LRRC3: variants seen among roughly 807,000 people sequenced by gnomAD.
LRRC3 encodes leucine rich repeat containing 3, also known as leucine-rich repeat-containing protein 3.
For missense variants in LRRC3, 351 were observed against 361.6 expected (o/e 0.97, Z 0.24); for synonymous variants, 172 against 164.1 (o/e 1.05, Z -0.37).
chr21:44,457,756 C>A lies in LRRC3; in HGVS notation c.*338C>A. ...CGGGGCCCTGCAGGCTGTGGATATG[C>A]ACTCAGAGGACTAAGGGGGTGCTCT... On this transcript the variant is annotated 3_prime_UTR_variant, in exon 2 of 2. Transcript: ENST00000291592. 1 of 353,032 alleles carries A rather than the reference C, an allele frequency of 2.8e-6. No individual in the cohort carries two copies. 21.9% of individuals were successfully genotyped at this position (353,032 alleles called of 1,614,324 possible).
rs1175165323 is a variant in LRRC3 at position 44,456,667 on chromosome 21, G to A, written c.23G>A (p.Arg8His). 5 of 1,600,772 alleles carry A rather than the reference G, an allele frequency of 3.1e-6. No homozygotes were observed. The highest frequency in any genetic ancestry group is 4.3e-6 in the Non-Finnish European group (5 of 1,174,586). Residue 8 changes from arginine (R) to histidine (H), a missense_variant, in exon 2 of 2, where the codon CGC becomes CAC. Coordinates refer to ENST00000291592, the MANE Select transcript of LRRC3 (RefSeq NM_030891.6). Reference sequence around the variant, plus strand: ...AGGATGGGCACCGTGCGCCCACCTCGCCCCTCGCTCCTGCTGGTCTCCACC... The same window carrying A: ...AGGATGGGCACCGTGCGCCCACCTCACCCCTCGCTCCTGCTGGTCTCCACC... MGTVRPP[R>H]PSLLLVSTRE... is the part of the protein sequence containing the mutation.
chr21:44,456,164 G>A (rs1181720454), intron 1 of LRRC3, among the ~76,000 whole-genome samples: 1 of 152,040 alleles, frequency 6.6e-6, no homozygotes, highest in South Asian at 2.1e-4. Flanking sequence ...GGGGCTGGGT[G>A]GTCCAAGCCG....
rs2051719466 is a variant in LRRC3, at chr21:44,457,947, C to A, written c.*529C>A. On this transcript the variant is annotated 3_prime_UTR_variant, in exon 2 of 2. Transcript: ENST00000291592. ...TTCGAAGTACATTGGAACGTAAGCC[C>A]TGTTTCCAGAGCAAAGTAACAGAGA... 5.9e-6 allele frequency: 1 copy of A among 169,222 alleles called. No homozygotes were observed. The highest frequency in any genetic ancestry group is 1.4e-5 in the Non-Finnish European group (1 of 69,732). The allele number at this position is 169,222 out of a possible 1,614,324, so 10.5% of individuals were successfully genotyped here.
chr21:44,456,554 T>A lies in LRRC3; in HGVS notation c.-91T>A. ...AGCGGGGCAGGATGGCGGTTTCATG[T>A]CTGGTTGGATAAGGCCTTGCCTGCG... is the stretch of plus-strand genomic sequence containing the variant. On this transcript the variant is annotated 5_prime_UTR_variant, in exon 2 of 2. It introduces an in-frame stop codon into an upstream open reading frame of the 5' UTR. Coordinates refer to ENST00000291592, the MANE Select transcript of LRRC3 (RefSeq NM_030891.6). 5 of 1,378,942 alleles carry A rather than the reference T, an allele frequency of 3.6e-6. No homozygotes were observed. Among genetic ancestry groups the A allele is most frequent in the African/African-American group, 1.4e-5 (1 of 69,490 alleles). The allele number at this position is 1,378,942 out of a possible 1,614,324, so 85.4% of individuals were successfully genotyped here.
Position 44,459,832 on chromosome 21 carries a change from G to A in LRRC3, c.*2414G>A, listed in dbSNP as rs139141271. 4.0e-3 allele frequency: 604 copies of A among 152,174 alleles called. 3 individuals are homozygous for A. The highest frequency in any genetic ancestry group is 6.3e-3 in the Non-Finnish European group (427 of 68,040). The allele number at this position is 152,174 out of a possible 1,614,324, so 9.4% of individuals were successfully genotyped here. A position where few individuals can be genotyped will look rare whatever the true frequency, so the allele number is the denominator to read the frequency against. On this transcript the variant is annotated 3_prime_UTR_variant, in exon 2 of 2. Transcript: ENST00000291592. The stretch of plus-strand genomic sequence containing the variant: ...CCCAGGGTCTGGCCTTCTCCTTGGT[G>A]AAGGTCTGCTGGGCCCCTGTCCACC...
In LRRC3 at chr21:44,457,847, CCTGTG is replaced by C. The variant is rs1158509783; in HGVS notation, c.*433_*437del. 4.9e-6 allele frequency: 1 copy of C among 202,466 alleles called. No homozygotes were observed. Among genetic ancestry groups the C allele is most frequent in the Non-Finnish European group, 1.1e-5 (1 of 91,210 alleles). 12.5% of individuals were successfully genotyped at this position (202,466 alleles called of 1,614,324 possible). A position where few individuals can be genotyped will look rare whatever the true frequency, so the allele number is the denominator to read the frequency against. ...TCACCCGCTGAAGGCGCTGATAAGT[CCTGTG>C]CTGAGGAGCTGACTTGCCCTTGTTT... On this transcript the variant is annotated 3_prime_UTR_variant, in exon 2 of 2. Coordinates refer to ENST00000291592, the MANE Select transcript of LRRC3 (RefSeq NM_030891.6).
rs370394884 is a variant in LRRC3 at position 44,456,802 on chromosome 21, G to A, written c.158G>A (p.Arg53Gln). The stretch of plus-strand genomic sequence containing the variant: ...GCTGTGGCTGTCTTCTGCAGCTTGC[G>A]GGGCCTTCAGGAGGTCCCCGAGGAC... Reference protein sequence around the residue: ...AGAVAVFCSLRGLQEVPEDIP... With the variant: ...AGAVAVFCSLQGLQEVPEDIP... The change falls in exon 2 of 2, where the codon CGG becomes CAG. Residue 53 changes from arginine to glutamine, a missense_variant. By Grantham distance (43) the Arg-to-Gln change is conservative. Transcript: ENST00000291592. 71 of 1,611,492 alleles carry A rather than the reference G, an allele frequency of 4.4e-5. No individual in the cohort carries two copies. Among genetic ancestry groups the A allele is most frequent in the Non-Finnish European group, 5.1e-5 (60 of 1,179,760 alleles).
Position 44,455,557 on chromosome 21 carries a change from C to T in LRRC3, c.-246C>T. 6.6e-6 allele frequency: 1 copy of T among 151,636 alleles called. No individual in the cohort carries two copies. The highest frequency in any genetic ancestry group is 1.5e-5 in the Non-Finnish European group (1 of 67,850). The allele number at this position is 151,636 out of a possible 1,614,324, so 9.4% of individuals were successfully genotyped here. ...GTGGTCGCGGGCGCGGTCGCAGGGGCAGCGGGGTGGCCGCCGCGCCAGGCG... is the reference window on the plus strand; with the variant it reads ...GTGGTCGCGGGCGCGGTCGCAGGGGTAGCGGGGTGGCCGCCGCGCCAGGCG... On this transcript the variant is annotated 5_prime_UTR_variant, in exon 1 of 2. Coordinates refer to ENST00000291592, the MANE Select transcript of LRRC3 (RefSeq NM_030891.6).
chr21:44,461,749 G>A lies in LRRC3; in HGVS notation c.*4331G>A, dbSNP rs536967390. ...TGCCGTCTTGGGCAGCTCCTCCCGG[G>A]TGTCTGCAAAATGCAGAGGTCACCA... On this transcript the variant is annotated 3_prime_UTR_variant, in exon 2 of 2. Coordinates refer to ENST00000291592, the MANE Select transcript of LRRC3 (RefSeq NM_030891.6). 1 of 152,458 alleles carries A rather than the reference G, an allele frequency of 6.6e-6. No individual in the cohort carries two copies. The highest frequency in any genetic ancestry group is 2.1e-4 in the South Asian group (1 of 4,830). 9.4% of individuals were successfully genotyped at this position (152,458 alleles called of 1,614,324 possible). A position where few individuals can be genotyped will look rare whatever the true frequency, so the allele number is the denominator to read the frequency against.
Position 44,457,320 on chromosome 21 carries a change from G to C in LRRC3, c.676G>C (p.Val226Leu), listed in dbSNP as rs765997135. The change falls in exon 2 of 2, where the codon GTG (valine) becomes CTG (leucine). Residue 226 changes from valine to leucine, a missense_variant. Coordinates refer to ENST00000291592, the MANE Select transcript of LRRC3 (RefSeq NM_030891.6). Reference sequence around the variant, plus strand: ...GGTGATCGCCTACGTCGTGTACTATGTGCGCCACAACCAGGAGGATGCCCG... The same window carrying C: ...GGTGATCGCCTACGTCGTGTACTATCTGCGCCACAACCAGGAGGATGCCCG... Reference protein sequence around the residue: ...AMVIAYVVYYVRHNQEDARRH... With the variant: ...AMVIAYVVYYLRHNQEDARRH... The C allele has an allele frequency of 1.2e-6, 2 of 1,613,310 alleles. No homozygotes were observed. The highest frequency in any genetic ancestry group is 1.7e-6 in the Non-Finnish European group (2 of 1,179,722).
In LRRC3 at chr21:44,456,490, C is replaced by T. The variant is rs1044803501; in HGVS notation, c.-147-8C>T. The T allele has an allele frequency of 3.0e-5, 24 of 805,564 alleles. No individual in the cohort carries two copies. Among genetic ancestry groups the T allele is most frequent in the Middle Eastern group, 4.9e-4 (2 of 4,046 alleles). The allele number at this position is 805,564 out of a possible 1,614,324, so 49.9% of individuals were successfully genotyped here. A position where few individuals can be genotyped will look rare whatever the true frequency, so the allele number is the denominator to read the frequency against. On this transcript the variant is annotated splice_polypyrimidine_tract_variant and splice_region_variant and intron_variant, in intron 1 of 1. Transcript: ENST00000291592. ...CCTCTCCGCTCCCTCCTGCGTCTTC[C>T]CTTTCAGAGCTGCCAGAGTGGACTG...
chr21:44,457,012 A>G lies in LRRC3; in HGVS notation c.368A>G (p.Asn123Ser), dbSNP rs759520432. 9.5e-5 allele frequency: 152 copies of G among 1,606,044 alleles called. 2 individuals carry two copies. The highest frequency in any genetic ancestry group is 8.7e-4 in the East Asian group (39 of 44,856). The stretch of plus-strand genomic sequence containing the variant: ...CTGCGGCTGCTGGACCTGTCTTACA[A>G]CCGCATCCAGAGGATCCCCAAGGAC... ...GGLRLLDLSY[N>S]RIQRIPKDAL... The change falls in exon 2 of 2, where the codon AAC becomes AGC. Residue 123 changes from asparagine to serine, a missense_variant. By Grantham distance (46) the Asn-to-Ser change is conservative (BLOSUM62 1). Transcript: ENST00000291592.
intron 1 of LRRC3, among the ~76,000 whole-genome samples, chr21:44,455,866 G>A (rs1386540140): frequency 6.6e-6 from 1 of 152,060 alleles, no homozygotes; most frequent in African/African-American, 2.4e-5. Flanking sequence ...GCGCGCACAG[G>A]GCTTGGCTTC....
chr21:44,457,660 C>G lies in LRRC3; in HGVS notation c.*242C>G. On this transcript the variant is annotated 3_prime_UTR_variant, in exon 2 of 2. Coordinates refer to ENST00000291592, the MANE Select transcript of LRRC3 (RefSeq NM_030891.6). Reference sequence around the variant, plus strand: ...GTGACGATACCATCAGGAAATTATCCCAGTGGAACTTCAACCCGGGCTGTC... The same window carrying G: ...GTGACGATACCATCAGGAAATTATCGCAGTGGAACTTCAACCCGGGCTGTC... 1 of 550,066 alleles carries G rather than the reference C, an allele frequency of 1.8e-6. No homozygotes were observed. The highest frequency in any genetic ancestry group is 3.3e-6 in the Non-Finnish European group (1 of 304,234). The allele number at this position is 550,066 out of a possible 1,614,324, so 34.1% of individuals were successfully genotyped here.
Position 44,461,404 on chromosome 21 carries a change from G to C in LRRC3, c.*3986G>C, listed in dbSNP as rs2051745228. 6.6e-6 allele frequency: 1 copy of C among 152,422 alleles called. No individual in the cohort carries two copies. Among genetic ancestry groups the C allele is most frequent in the Non-Finnish European group, 1.5e-5 (1 of 68,222 alleles). The allele number at this position is 152,422 out of a possible 1,614,324, so 9.4% of individuals were successfully genotyped here. A position where few individuals can be genotyped will look rare whatever the true frequency, so the allele number is the denominator to read the frequency against. ...GAGAGACCCCCGGCCTCCTCTGCAG[G>C]GGCTGCTGGCAGGAGGGGAACCGGG... On this transcript the variant is annotated 3_prime_UTR_variant, in exon 2 of 2. Transcript: ENST00000291592.
chr21:44,461,578 A>G lies in LRRC3; in HGVS notation c.*4160A>G, dbSNP rs2051746634. ...GAATCTCCGGCTCTGCCCAGTGATC[A>G]TCTGGGCAGGACATGGGGACGAGTG... is the stretch of plus-strand genomic sequence containing the variant. On this transcript the variant is annotated 3_prime_UTR_variant, in exon 2 of 2. Coordinates refer to ENST00000291592, the MANE Select transcript of LRRC3 (RefSeq NM_030891.6). 2 of 152,320 alleles carry G rather than the reference A, an allele frequency of 1.3e-5. No individual in the cohort carries two copies. The highest frequency in any genetic ancestry group is 2.1e-4 in the South Asian group (1 of 4,832). 9.4% of individuals were successfully genotyped at this position (152,320 alleles called of 1,614,324 possible). A position where few individuals can be genotyped will look rare whatever the true frequency, so the allele number is the denominator to read the frequency against.
Position 44,460,353 on chromosome 21 carries a change from G to T in LRRC3, c.*2935G>T, listed in dbSNP as rs1278584939. 1 of 152,608 alleles carries T rather than the reference G, an allele frequency of 6.6e-6. No individual in the cohort carries two copies. The highest frequency in any genetic ancestry group is 1.5e-5 in the Non-Finnish European group (1 of 68,354). The allele number at this position is 152,608 out of a possible 1,614,324, so 9.5% of individuals were successfully genotyped here. Reference sequence around the variant, plus strand: ...TTCTTTGCAGCCCAGATGTGAGCATGTGCACCCTGGGACCTGCTGCCCGTT... The same window carrying T: ...TTCTTTGCAGCCCAGATGTGAGCATTTGCACCCTGGGACCTGCTGCCCGTT... On this transcript the variant is annotated 3_prime_UTR_variant, in exon 2 of 2. Coordinates refer to ENST00000291592, the MANE Select transcript of LRRC3 (RefSeq NM_030891.6).
Position 44,461,559 on chromosome 21 carries a change from C to T in LRRC3, c.*4141C>T, listed in dbSNP as rs1279381391. ...TCATAACCAAAGCAGCCAGGAATCT[C>T]CGGCTCTGCCCAGTGATCATCTGGG... On this transcript the variant is annotated 3_prime_UTR_variant, in exon 2 of 2. Transcript: ENST00000291592. The T allele has an allele frequency of 6.6e-6, 1 of 152,314 alleles. No individual in the cohort carries two copies. The highest frequency in any genetic ancestry group is 1.5e-5 in the Non-Finnish European group (1 of 68,086). The allele number at this position is 152,314 out of a possible 1,614,324, so 9.4% of individuals were successfully genotyped here.
chr21:44,456,531 C>T lies in LRRC3; in HGVS notation c.-114C>T, dbSNP rs1341405913. ...GAGTGGACTGCACTGCTTCTCCCAG[C>T]GGGGCAGGATGGCGGTTTCATGTCT... is the stretch of plus-strand genomic sequence containing the variant. On this transcript the variant is annotated 5_prime_UTR_variant, in exon 2 of 2. Transcript: ENST00000291592. 6 of 1,131,142 alleles carry T rather than the reference C, an allele frequency of 5.3e-6. No individual in the cohort carries two copies. Among genetic ancestry groups the T allele is most frequent in the South Asian group, 1.5e-5 (1 of 66,938 alleles). 70.1% of individuals were successfully genotyped at this position (1,131,142 alleles called of 1,614,324 possible).
Sources: allele counts gnomAD v4.1 joint callset (sites outside exome capture counted in the v4.1 genomes callset), GRCh38; gene constraint gnomAD v4.1.1; transcripts MANE v1.5; gene names NCBI Gene and HGNC (gene_info 2026-07-23, HGNC 2026-07-21).